Variants in ADCK1 observed in about 807,000 individuals in gnomAD.
ADCK1 encodes aarF domain containing kinase 1.
ADCK1 carries 41 observed loss-of-function variants against 52.3 expected under a neutral mutation model. The observed-to-expected ratio is 0.78, with a 90% CI of 0.61 to 1.02. ADCK1 has a LOEUF of 1.02. Among genes scored for constraint, ADCK1 ranks in the 50% least tolerant of loss-of-function variants. The probability of loss-of-function intolerance (pLI) is 0.00; values close to 1 mark genes in which losing one functional copy is unlikely to be tolerated. For synonymous variants in ADCK1, 250 were observed against 274.6 expected, an observed-to-expected ratio of 0.91 and a Z score of 0.89; for missense variants, 658 against 679.5, an observed-to-expected ratio of 0.97 and a Z score of 0.35.
chr14:77,926,067 CTG>C, intron 9 of ADCK1, 106 bp downstream of exon 9: 1 of 1,343,660 alleles, frequency 7.4e-7, no homozygotes, highest in Non-Finnish European at 1.0e-6. Context: ...GACTGGTGGG[CTG>C]TGTGTTGGGG....
At chr14:77,874,654 T>C (rs1006409351) in intron 4 of ADCK1, among the ~76,000 whole-genome samples, 2 of 150,600 alleles carry the variant, frequency 1.3e-5, no homozygotes, top group Non-Finnish European at 3.0e-5. Flanking sequence ...GCTTCACCAA[T>C]CATTTGTGTA....
At chr14:77,887,063 A>C in intron 4 of ADCK1, 28 bp from the exon 5 acceptor site, 1 of 1,511,344 alleles carries the variant, frequency 6.6e-7, no homozygotes. Context: ...CATCTTTTTC[A>C]TTGCTCTGTT....
intron 1 of ADCK1, among the ~76,000 whole-genome samples, chr14:77,802,609 G>A (rs2081134637): frequency 6.6e-6 from 1 of 151,264 alleles, no homozygotes; most frequent in South Asian, 2.1e-4. Flanking sequence ...TTGATTTAAG[G>A]ACCTTGAGTG....
intron 3 of ADCK1, among the ~76,000 whole-genome samples, chr14:77,853,861 C>T (rs1035139446): frequency 3.3e-5 from 5 of 152,134 alleles, no homozygotes; most frequent in African/African-American, 9.7e-5. Flanking sequence ...TCTTTCTGGA[C>T]TCTCAGCTGT....
chr14:77,911,687 T>A (rs1227027532), intron 7 of ADCK1, among the ~76,000 whole-genome samples: 1 of 152,144 alleles, frequency 6.6e-6, no homozygotes, highest in East Asian at 1.9e-4. Context: ...AATGTTGTTG[T>A]TGTTGTCATT....
intron 7 of ADCK1, 67 bp downstream of exon 7, chr14:77,907,986 G>A (rs781470218): frequency 3.1e-5 from 42 of 1,365,436 alleles, no homozygotes; most frequent in Non-Finnish European, 4.1e-5. Flanking sequence ...CCCAGGAAGT[G>A]CCTGTGTGTC....
At chr14:77,807,464 C>T (rs1173747113) in intron 1 of ADCK1, among the ~76,000 whole-genome samples, 1 of 151,912 alleles carries the variant, frequency 6.6e-6, no homozygotes, top group East Asian at 1.9e-4. Context: ...GCCTCAGCCT[C>T]CTAAGTAGCT....
At chr14:77,824,474 C>T (rs1594882518) in intron 3 of ADCK1, among the ~76,000 whole-genome samples, 1 of 145,844 alleles carries the variant, frequency 6.9e-6, no homozygotes, top group African/African-American at 2.5e-5. Context: ...TGCTCTGTTG[C>T]CCAGGCTGGA....
At chr14:77,842,213 T>G (rs1481643912) in intron 3 of ADCK1, among the ~76,000 whole-genome samples, 1 of 152,222 alleles carries the variant, frequency 6.6e-6, no homozygotes, top group East Asian at 1.9e-4. Flanking sequence ...ATGTCACCTG[T>G]AATTTCAGTG....
intron 3 of ADCK1, among the ~76,000 whole-genome samples, chr14:77,843,976 A>C (rs931761892): frequency 6.6e-6 from 1 of 152,364 alleles, no homozygotes; most frequent in Non-Finnish European, 1.5e-5. Context: ...GTCCCATTTC[A>C]TAGAAATCTG....
At chr14:77,927,231 G>A (rs936499067) in intron 9 of ADCK1, among the ~76,000 whole-genome samples, 3 of 152,166 alleles carry the variant, frequency 2.0e-5, no homozygotes, top group African/African-American at 4.8e-5. Context: ...TCTCGGCTCC[G>A]CTTTCCTCCA....
At chr14:77,850,303 A>G (rs2082255675) in intron 3 of ADCK1, among the ~76,000 whole-genome samples, 1 of 152,198 alleles carries the variant, frequency 6.6e-6, no homozygotes, top group African/African-American at 2.4e-5. Flanking sequence ...GTGTTCTATA[A>G]ATGCCAGTTC....
At position 77,910,085 on chromosome 14, in the gene ADCK1, C is replaced by T. The variant is rs192646609; in HGVS notation, c.858+2166C>T. On this transcript the variant is annotated intron_variant, in intron 7 of 10. Transcript: ENST00000238561. ...TCAGGCCTTCTAGGAAAGCTGTTGT[C>T]CCCTGACTTAGGGAACAGTGCTTCA... Among the ~76,000 whole-genome samples the T allele has an allele frequency of 7.2e-5, 11 of 152,178 alleles. 1 individual carries two copies. The highest frequency in any genetic ancestry group is 1.2e-4 in the African/African-American group (5 of 41,534).
chr14:77,913,714 C>A (rs2083851247), intron 7 of ADCK1, among the ~76,000 whole-genome samples: 1 of 152,166 alleles, frequency 6.6e-6, no homozygotes, highest in South Asian at 2.1e-4. Flanking sequence ...AAAGAGGTGA[C>A]AGAGACAGGA....
At chr14:77,889,818 G>A (rs1452042541) in intron 5 of ADCK1, among the ~76,000 whole-genome samples, 1 of 147,992 alleles carries the variant, frequency 6.8e-6, no homozygotes, top group Non-Finnish European at 1.5e-5. Context: ...CAGCATGTAT[G>A]AGTAAAGATA....
At chr14:77,808,404 A>G (rs1594847730) in intron 1 of ADCK1, among the ~76,000 whole-genome samples, 1 of 152,180 alleles carries the variant, frequency 6.6e-6, no homozygotes. Flanking sequence ...GGTGGTCACC[A>G]GGAGGCATTG....
At chr14:77,805,063 G>T (rs1265263707) in intron 1 of ADCK1, among the ~76,000 whole-genome samples, 1 of 151,496 alleles carries the variant, frequency 6.6e-6, no homozygotes, top group Non-Finnish European at 1.5e-5. Flanking sequence ...AAAATTAGCC[G>T]GACGTGGTGG....
At chr14:77,891,677 A>G (rs949172694) in intron 5 of ADCK1, among the ~76,000 whole-genome samples, 2 of 152,124 alleles carry the variant, frequency 1.3e-5, no homozygotes, top group Non-Finnish European at 2.9e-5. Context: ...ACCACAAGGC[A>G]AACCTGAGAC....
intron 5 of ADCK1, among the ~76,000 whole-genome samples, chr14:77,891,170 G>A (rs950407480): frequency 6.6e-6 from 1 of 152,174 alleles, no homozygotes; most frequent in Non-Finnish European, 1.5e-5. Flanking sequence ...GGGGGTAGAA[G>A]GTAGCATTGG....
Sources: gnomAD v4.1 joint callset for allele counts (sites outside exome capture counted in the v4.1 genomes callset) on GRCh38, gnomAD v4.1.1 for gene constraint, MANE v1.5 for transcripts, NCBI Gene and HGNC (gene_info 2026-07-23, HGNC 2026-07-21) for gene names.